TLN2: variants seen among roughly 807,000 people sequenced by gnomAD.
TLN2 encodes the protein talin-2.
TLN2 carries 118 observed loss-of-function variants against 294.7 expected under a neutral mutation model. That is an observed-to-expected ratio of 0.40 (90% CI 0.34 to 0.47). The LOEUF is 0.47. TLN2 is among the 20% of genes least tolerant of loss of function. TLN2 has a pLI of 0.84. For missense variants in TLN2, 3,083 were observed against 3,282.2 expected (o/e 0.94, Z 1.48); for synonymous variants, 1,431 against 1,304.5 (o/e 1.10, Z -2.09).
chr15:62,647,483 G>T, intron 4 of TLN2, 37 bp downstream of exon 4: 2 of 1,612,254 alleles, frequency 1.2e-6, no homozygotes, highest in South Asian at 2.2e-5. Flanking sequence ...CTTAAAACGT[G>T]TTTGCATGTT....
intron 3 of TLN2, among the ~76,000 whole-genome samples, chr15:62,624,501 C>T (rs2049101904): frequency 6.6e-6 from 1 of 152,200 alleles, no homozygotes; most frequent in Non-Finnish European, 1.5e-5. Context: ...AGCTTTGTTT[C>T]AGAAGCTTCA....
At chr15:62,640,067 C>G in intron 3 of TLN2, 2 of 434,768 alleles carry the variant, frequency 4.6e-6, no homozygotes, top group Non-Finnish European at 9.2e-6. Context: ...TGAGCCCAGA[C>G]TGTCCTGCCG....
chr15:62,556,731 G>A (rs540173300), intron 1 of TLN2, among the ~76,000 whole-genome samples: 1 of 152,092 alleles, frequency 6.6e-6, no homozygotes. Context: ...ACTTTATTTT[G>A]TTTTTCTGTC....
chr15:62,613,185 A>C (rs2048055291), intron 2 of TLN2, among the ~76,000 whole-genome samples: 1 of 152,192 alleles, frequency 6.6e-6, no homozygotes, highest in South Asian at 2.1e-4. Flanking sequence ...GTTGTAGGGT[A>C]TTTGCAAGAT....
intron 9 of TLN2, among the ~76,000 whole-genome samples, chr15:62,668,597 T>C (rs1412651677): frequency 6.6e-6 from 1 of 152,326 alleles, no homozygotes; most frequent in East Asian, 1.9e-4. Context: ...CAGGGTAACT[T>C]GGAGGGGTCA....
chr15:62,436,571 C>T (rs984250490), intron 1 of TLN2, among the ~76,000 whole-genome samples: 1 of 152,132 alleles, frequency 6.6e-6, no homozygotes, highest in African/African-American at 2.4e-5. Flanking sequence ...TGGACAGGAG[C>T]TCAATGTGTT....
intron 1 of TLN2, among the ~76,000 whole-genome samples, chr15:62,403,674 A>G (rs1218085228): frequency 2.0e-5 from 3 of 152,100 alleles, no homozygotes; most frequent in East Asian, 3.9e-4. Context: ...ACTGGCTTCC[A>G]TGTCACAATC....
At chr15:62,838,733 C>T (rs1444418208) in intron 57 of TLN2, 123 bp from the exon 58 acceptor site, 9 of 1,327,016 alleles carry the variant, frequency 6.8e-6, no homozygotes, top group Non-Finnish European at 9.2e-6. Context: ...GGCTACAGAA[C>T]TTGATGTTAT....
At chr15:62,437,988 C>T (rs2140300423) in intron 1 of TLN2, among the ~76,000 whole-genome samples, 1 of 152,314 alleles carries the variant, frequency 6.6e-6, no homozygotes, top group East Asian at 1.9e-4. Context: ...CTTTCCCACT[C>T]TCGCCTCTGG....
intron 52 of TLN2, among the ~76,000 whole-genome samples, chr15:62,817,860 C>T (rs1415238545): frequency 1.5e-5 from 2 of 137,382 alleles, no homozygotes; most frequent in African/African-American, 5.5e-5. Flanking sequence ...ACTCTGTGGT[C>T]CAGGCTGGAG....
chr15:62,623,113 G>A (rs999916283), intron 3 of TLN2, among the ~76,000 whole-genome samples: 4 of 152,230 alleles, frequency 2.6e-5, no homozygotes, highest in Non-Finnish European at 5.9e-5. Context: ...AACTGAATGG[G>A]CAGTGGAGAT....
intron 36 of TLN2, chr15:62,754,143 G>T (rs2062091176): frequency 4.1e-6 from 2 of 487,002 alleles, no homozygotes; most frequent in Non-Finnish European, 6.9e-6. Flanking sequence ...GGCAAAAGGA[G>T]TGAAGTAATC....
At chr15:62,513,023 A>T (rs899826141) in intron 1 of TLN2, among the ~76,000 whole-genome samples, 5 of 152,134 alleles carry the variant, frequency 3.3e-5, no homozygotes, top group African/African-American at 1.2e-4. Flanking sequence ...GTTAGCTTTG[A>T]TTGGTGCCCT....
chr15:62,608,582 C>T (rs1458182630), intron 2 of TLN2, among the ~76,000 whole-genome samples: 1 of 152,046 alleles, frequency 6.6e-6, no homozygotes, highest in African/African-American at 2.4e-5. Context: ...CTCTCCGTTT[C>T]TGGTGTTGGG....
intron 1 of TLN2, chr15:62,453,634 G>A (rs1356108626): frequency 6.6e-6 from 1 of 152,164 alleles, no homozygotes; most frequent in Non-Finnish European, 1.5e-5. Flanking sequence ...GTCCCTTCCT[G>A]TTTAATGCAG....
intron 9 of TLN2, among the ~76,000 whole-genome samples, chr15:62,658,947 G>C (rs570953906): frequency 4.8e-4 from 73 of 152,318 alleles, no homozygotes; most frequent in African/African-American, 1.7e-3. Context: ...TGTTTCTGTT[G>C]CTAGAGTGAC....
intron 54 of TLN2, among the ~76,000 whole-genome samples, chr15:62,825,789 T>TATATTATATTA (rs1491491748): frequency 4.8e-5 from 4 of 83,596 alleles, no homozygotes; most frequent in African/African-American, 2.9e-4. Flanking sequence ...ATATTATATA[T>TATATTATATTA]TATAATATAT....
chr15:62,528,785 A>G (rs184449654), intron 1 of TLN2, among the ~76,000 whole-genome samples: 401 of 138,884 alleles, frequency 2.9e-3, no homozygotes, highest in Admixed American at 4.9e-3. Flanking sequence ...TGGTTTTTCT[A>G]TCCCTTCCAA....
chr15:62,434,791 G>A (rs2140295594), intron 1 of TLN2, among the ~76,000 whole-genome samples: 1 of 152,248 alleles, frequency 6.6e-6, no homozygotes, highest in Non-Finnish European at 1.5e-5. Context: ...TTTAAGTTCA[G>A]GGGAACATGT....
Sources: allele counts gnomAD v4.1 joint callset (sites outside exome capture counted in the v4.1 genomes callset), GRCh38; gene constraint gnomAD v4.1.1; transcripts MANE v1.5; gene names NCBI Gene and HGNC (gene_info 2026-07-23, HGNC 2026-07-21).